The following TMC5 variants were observed in gnomAD, a reference collection of about 807,000 sequenced individuals.
TMC5 encodes transmembrane channel like 5, also known as transmembrane channel-like protein 5.
TMC5 carries 86 observed loss-of-function variants against 110.5 expected under a neutral mutation model. That is an observed-to-expected ratio of 0.78 (90% CI 0.65 to 0.93). The LOEUF is 0.93. Among genes scored for constraint, TMC5 ranks in the 40% least tolerant of loss-of-function variants. The pLI is 0.00. For missense variants in TMC5, 1,144 were observed against 1,222.8 expected (o/e 0.94, Z 0.96); for synonymous variants, 455 against 439.5 (o/e 1.04, Z -0.44).
intron 10 of TMC5, among the ~76,000 whole-genome samples, chr16:19,470,718 T>A (rs1237163186): frequency 2.5e-5 from 2 of 79,140 alleles, no homozygotes; most frequent in African/African-American, 5.7e-5. Flanking sequence ...GACACAAACT[T>A]ATTAAAAAAA....
chr16:19,438,944 T>C (rs535757985), intron 2 of TMC5, among the ~76,000 whole-genome samples: 5 of 152,116 alleles, frequency 3.3e-5, no homozygotes, highest in Non-Finnish European at 7.3e-5. Flanking sequence ...CAAAGAAGAT[T>C]TATGGACAAG....
At position 19,473,345 on chromosome 16, in the gene TMC5, C is replaced by CAAAA. The variant is rs35872301; in HGVS notation, c.1939-747_1939-744dup. On this transcript the variant is annotated intron_variant, in intron 11 of 21. Transcript: ENST00000542583. ...TGGGCAACAGAGCGAGACTCCGGCT[C>CAAAA]AAAAAAAAAAAAAAAAAAAAAAAAA... is the stretch of plus-strand genomic sequence containing the variant. 8.9e-4 allele frequency among the ~76,000 whole-genome samples: 18 copies of CAAAA among 20,240 alleles called. 6 individuals are homozygous for CAAAA. Among genetic ancestry groups the CAAAA allele is most frequent in the Admixed American group, 2.1e-3 (2 of 974 alleles). 13.3% of individuals were successfully genotyped at this position (20,240 alleles called of 152,430 possible).
At position 19,443,996 on chromosome 16, in the gene TMC5, A is replaced by G. The variant is rs1031145574; in HGVS notation, c.789-85A>G. The G allele has an allele frequency of 1.6e-5, 19 of 1,158,364 alleles. 1 individual carries two copies. In the South Asian group the frequency reaches 1.7e-4, roughly 10 times the overall value. The allele number at this position is 1,158,364 out of a possible 1,614,324, so 71.8% of individuals were successfully genotyped here. ...AAATAAATGGATGAATACATGATTG[A>G]ATGGATGGATGGATGGATGGATGGA... On this transcript the variant is annotated intron_variant, in intron 3 of 21. Coordinates refer to ENST00000542583, the MANE Select transcript of TMC5 (RefSeq NM_001261841.2).
In TMC5 at chr16:19,469,716, C is replaced by A. The variant is rs749516730; in HGVS notation, c.1673C>A (p.Pro558His). ...TATTTCCGGAACAACTTCATTAATC[C>A]CCACATTTACTCCGGAGGGATCACC... ...AKYFRNNFIN[P>H]HIYSGGITKL... Residue 558 changes from proline to histidine, a missense_variant, in exon 10 of 22, where the codon CCC (proline) becomes CAC (histidine). Pro to His is a moderately conservative substitution (Grantham distance 77). Transcript: ENST00000542583. 6.2e-7 allele frequency: 1 copy of A among 1,614,110 alleles called. No individual in the cohort carries two copies. The highest frequency in any genetic ancestry group is 2.2e-5 in the East Asian group (1 of 44,876).
At chr16:19,436,901 G>A (rs897339359) in intron 2 of TMC5, among the ~76,000 whole-genome samples, 4 of 152,056 alleles carry the variant, frequency 2.6e-5, no homozygotes, top group East Asian at 1.9e-4. Context: ...AACTTTGGCC[G>A]GTTGCAGTGG....
chr16:19,494,174 C>A, intron 19 of TMC5, 88 bp from the exon 20 acceptor site: 2 of 1,033,992 alleles, frequency 1.9e-6, no homozygotes, highest in Non-Finnish European at 2.9e-6. Flanking sequence ...TGAAAACCGA[C>A]GTTCTTCCCA....
intron 6 of TMC5, among the ~76,000 whole-genome samples, chr16:19,462,748 A>G (rs1170668659): frequency 6.6e-6 from 1 of 151,930 alleles, no homozygotes; most frequent in Admixed American, 6.6e-5. Context: ...TAAAAATACA[A>G]AACTTAGCTG....
chr16:19,492,934 C>CATATATATATATATA (rs1968948993), intron 19 of TMC5, among the ~76,000 whole-genome samples: 1 of 97,480 alleles, frequency 1.0e-5, no homozygotes, highest in Non-Finnish European at 2.2e-5. Flanking sequence ...ATATATATAT[C>CATATATATATATATA]TCTCTATAAG....
chr16:19,486,083 G>T (rs2143725071), intron 15 of TMC5, among the ~76,000 whole-genome samples: 1 of 152,328 alleles, frequency 6.6e-6, no homozygotes, highest in South Asian at 2.1e-4. Context: ...TGAGGATACT[G>T]GGTATGGTGG....
chr16:19,454,552 G>A (rs1045770095), intron 5 of TMC5, among the ~76,000 whole-genome samples: 5 of 152,134 alleles, frequency 3.3e-5, no homozygotes, highest in African/African-American at 1.2e-4. Flanking sequence ...CGTAAATGTT[G>A]TGCTCTATTT....
chr16:19,495,004 G>GTTTTTTT (rs1969013427), intron 20 of TMC5, among the ~76,000 whole-genome samples: 1 of 44,310 alleles, frequency 2.3e-5, no homozygotes, highest in Non-Finnish European at 5.3e-5. Context: ...ATACTTCAGT[G>GTTTTTTT]TCTATTCTTT....
intron 15 of TMC5, among the ~76,000 whole-genome samples, chr16:19,486,521 C>T (rs1006337618): frequency 2.0e-5 from 3 of 152,174 alleles, no homozygotes; most frequent in Admixed American, 6.6e-5. Context: ...AGATTACAAG[C>T]ATACGCCATC....
intron 1 of TMC5, among the ~76,000 whole-genome samples, chr16:19,427,584 G>A (rs913304228): frequency 3.3e-5 from 5 of 152,048 alleles, no homozygotes; most frequent in African/African-American, 4.8e-5. Context: ...CCATTCCATC[G>A]GCATAGAAAG....
At chr16:19,493,849 C>A (rs907790529) in intron 19 of TMC5, among the ~76,000 whole-genome samples, 1 of 151,408 alleles carries the variant, frequency 6.6e-6, no homozygotes, top group Admixed American at 6.6e-5. Flanking sequence ...GAATGCAGGT[C>A]ATCTGTTTCA....
At position 19,494,341 on chromosome 16, in the gene TMC5, T is replaced by C; in HGVS notation, c.2906T>C (p.Leu969Pro). Residue 969 changes from leucine to proline, a missense_variant, in exon 20 of 22, where the codon CTT becomes CCT. Leu to Pro is a moderately conservative substitution (Grantham distance 98). Transcript: ENST00000542583. The stretch of plus-strand genomic sequence containing the variant: ...GAGAAGAAAGCAAACCCCAGCTCAC[T>C]TGTTCTGGAAAGGAGAGAGGTGGAG... The part of the protein sequence containing the change: ...DMEKKANPSS[L>P]VLERREVEQQ... 6.2e-7 allele frequency: 1 copy of C among 1,613,750 alleles called. No homozygotes were observed. Among genetic ancestry groups the C allele is most frequent in the Non-Finnish European group, 8.5e-7 (1 of 1,179,838 alleles).
chr16:19,458,770 C>T (rs1967948381), intron 5 of TMC5, among the ~76,000 whole-genome samples: 1 of 152,128 alleles, frequency 6.6e-6, no homozygotes, highest in Admixed American at 6.6e-5. Flanking sequence ...ATTCCTCATC[C>T]TCAGCAGAGA....
At chr16:19,469,614 T>C in intron 9 of TMC5, 67 bp from the exon 10 acceptor site, 2 of 1,589,460 alleles carry the variant, frequency 1.3e-6, no homozygotes, top group Non-Finnish European at 1.7e-6. Context: ...CTGCCCTTTG[T>C]TGAAGCCCTG....
At chr16:19,458,812 T>C (rs111907993) in intron 5 of TMC5, among the ~76,000 whole-genome samples, 4 of 152,130 alleles carry the variant, frequency 2.6e-5, no homozygotes, top group African/African-American at 9.7e-5. Flanking sequence ...GAATTCCCCT[T>C]ACACCTCAAG....
chr16:19,431,267 G>A (rs906757521), intron 2 of TMC5, among the ~76,000 whole-genome samples: 5 of 152,204 alleles, frequency 3.3e-5, no homozygotes, highest in Admixed American at 1.3e-4. Flanking sequence ...GGGGCCGGGC[G>A]CGGTGGCTCA....
Sources: allele counts gnomAD v4.1 joint callset (sites outside exome capture counted in the v4.1 genomes callset), GRCh38; gene constraint gnomAD v4.1.1; transcripts MANE v1.5; gene names NCBI Gene and HGNC (gene_info 2026-07-23, HGNC 2026-07-21).